Variants in MYO1C observed in about 807,000 individuals in gnomAD.
The protein encoded by MYO1C is myosin IC.
Under a neutral mutation model 150.8 loss-of-function variants are expected in MYO1C, and 104 were observed. The observed-to-expected ratio is 0.69, with a 90% CI of 0.59 to 0.81. MYO1C has a LOEUF of 0.81. MYO1C is among the 30% of genes least tolerant of loss of function. The pLI is 0.00. For synonymous variants in MYO1C, 663 were observed against 579.9 expected (o/e 1.14, Z -2.06); for missense variants, 1,504 against 1,435.0 (o/e 1.05, Z -0.78).
At chr17:1,472,292 G>A in intron 17 of MYO1C, 64 bp from the exon 18 acceptor site, 3 of 1,415,338 alleles carry the variant, frequency 2.1e-6, no homozygotes, top group African/African-American at 1.4e-5. Flanking sequence ...CCCCAGCAGC[G>A]AGTACCCCAC....
intron 17 of MYO1C, among the ~76,000 whole-genome samples, chr17:1,472,870 C>T (rs2074332403): frequency 6.6e-6 from 1 of 151,836 alleles, no homozygotes; most frequent in African/African-American, 2.4e-5. Context: ...CCGGCAAGAT[C>T]CAGTGGCTGG....
rs886721103 is a variant in MYO1C at position 1,469,306 on chromosome 17, G to C, written c.2610+225C>G. ...TAGACTGGGGTAAATACGGTAGGTGGGGTAAATACAGTAGACCGAGATAAA... is the reference window on the plus strand; with the variant it reads ...TAGACTGGGGTAAATACGGTAGGTGCGGTAAATACAGTAGACCGAGATAAA... On this transcript the variant is annotated intron_variant, in intron 25 of 31. Coordinates refer to ENST00000648651, the MANE Select transcript of MYO1C (RefSeq NM_001080779.2). The C allele has an allele frequency of 1.4e-5, 8 of 582,588 alleles. No individual in the cohort carries two copies. In the African/African-American group the frequency reaches 1.5e-4, roughly 11 times the overall value. The allele number at this position is 582,588 out of a possible 1,614,324, so 36.1% of individuals were successfully genotyped here.
intron 13 of MYO1C, 32 bp from the exon 14 acceptor site, chr17:1,477,628 T>C: frequency 6.5e-7 from 1 of 1,542,698 alleles, no homozygotes; most frequent in Non-Finnish European, 9.0e-7. Flanking sequence ...GAAGGACGTA[T>C]GGGGGACAGG....
chr17:1,484,015 C>T (rs1453614021), intron 2 of MYO1C, 133 bp downstream of exon 2: 4 of 1,197,246 alleles, frequency 3.3e-6, no homozygotes, highest in Non-Finnish European at 4.7e-6. Flanking sequence ...GCACTCCAGC[C>T]TGGGCAACAA....
At chr17:1,491,054 G>T (rs2074723833) in intron 1 of MYO1C, 1 of 152,304 alleles carries the variant, frequency 6.6e-6, no homozygotes, top group Non-Finnish European at 1.5e-5. Context: ...CCCAGGAGAC[G>T]GCTCCCACTC....
rs1300964943 is a variant in MYO1C at position 1,474,616 on chromosome 17, T to G, written c.1791A>C (p.Pro597=). The G allele has an allele frequency of 1.9e-6, 3 of 1,613,708 alleles. No homozygotes were observed. The highest frequency in any genetic ancestry group is 2.5e-6 in the Non-Finnish European group (3 of 1,179,908). ...GGTCCCGCCACCTCCTCACCGTCTCTGGCCGCTTCTTGTCACTGAGCTCGC... is the reference window on the plus strand; with the variant it reads ...GGTCCCGCCACCTCCTCACCGTCTCGGGCCGCTTCTTGTCACTGAGCTCGC... ...DRSELSDKKR[P]ETVATQFKMS... Residue 597 remains proline, a synonymous_variant, in exon 17 of 32, where the codon CCA becomes CCC. Transcript: ENST00000648651.
rs1484732291 is a variant in MYO1C at position 1,484,287 on chromosome 17, C to G, written c.92G>C (p.Gly31Ala). Residue 31 changes from glycine to alanine, a missense_variant, in exon 2 of 32, where the codon GGG becomes GCG. Physicochemically the swap from Gly to Ala is moderately conservative, Grantham distance 60. Coordinates refer to ENST00000648651, the MANE Select transcript of MYO1C (RefSeq NM_001080779.2). ...CGCACTCTCCATGGTCACCCGAACCCCGTCACTGCCCAGGGCCTGCAGAGA... is the reference window on the plus strand; with the variant it reads ...CGCACTCTCCATGGTCACCCGAACCGCGTCACTGCCCAGGGCCTGCAGAGA... ...RPCKLALGSD[G>A]VRVTMESALT... 1 of 1,610,786 alleles carries G rather than the reference C, an allele frequency of 6.2e-7. No homozygotes were observed. The highest frequency in any genetic ancestry group is 1.1e-5 in the South Asian group (1 of 91,088).
intron 14 of MYO1C, among the ~76,000 whole-genome samples, chr17:1,477,002 C>T (rs939049972): frequency 1.3e-5 from 2 of 151,886 alleles, no homozygotes; most frequent in South Asian, 2.1e-4. Context: ...CCACACCCAG[C>T]GAATTTTTGC....
chr17:1,471,819 G>T, intron 19 of MYO1C, 88 bp downstream of exon 19: 2 of 1,397,108 alleles, frequency 1.4e-6, no homozygotes, highest in Non-Finnish European at 2.0e-6. Context: ...CTAAAATGGG[G>T]CCGAGAACCC....
At position 1,477,361 on chromosome 17, in the gene MYO1C, A is replaced by C; in HGVS notation, c.1574+144T>G. 5 of 732,554 alleles carry C rather than the reference A, an allele frequency of 6.8e-6. No homozygotes were observed. In the South Asian group the frequency reaches 7.6e-5, roughly 11 times the overall value. The allele number at this position is 732,554 out of a possible 1,614,324, so 45.4% of individuals were successfully genotyped here. Reference sequence around the variant, plus strand: ...CCTGGCTAAGCTTCTTAGTTTCTGGACACATGTGAGGGGTCCTTAACTCAG... The same window carrying C: ...CCTGGCTAAGCTTCTTAGTTTCTGGCCACATGTGAGGGGTCCTTAACTCAG... On this transcript the variant is annotated intron_variant, in intron 14 of 31. Transcript: ENST00000648651.
chr17:1,485,901 T>C (rs1598348261), intron 1 of MYO1C: 1 of 167,248 alleles, frequency 6.0e-6, no homozygotes, highest in African/African-American at 2.4e-5. Flanking sequence ...CCAGGTGGGG[T>C]TGGTGGAGGT....
intron 31 of MYO1C, among the ~76,000 whole-genome samples, 195 bp from the exon 32 acceptor site, chr17:1,465,947 G>A (rs947640081): frequency 2.0e-5 from 3 of 151,424 alleles, no homozygotes; most frequent in African/African-American, 7.3e-5. Flanking sequence ...GATTACAGGC[G>A]TGAGCCGCCG....
At chr17:1,485,822 C>A (rs2074644702) in intron 1 of MYO1C, 2 of 438,476 alleles carry the variant, frequency 4.6e-6, no homozygotes, top group Admixed American at 7.5e-5. Context: ...ACCGCCCCCA[C>A]CCGGGCCCCT....
chr17:1,483,733 CG>C lies in MYO1C; in HGVS notation c.232-9del. 6.3e-7 allele frequency: 1 copy of C among 1,599,436 alleles called. No homozygotes were observed. The highest frequency in any genetic ancestry group is 8.5e-7 in the Non-Finnish European group (1 of 1,171,866). On this transcript the variant is annotated splice_polypyrimidine_tract_variant and intron_variant, in intron 2 of 31. Transcript: ENST00000648651. ...GACGGGGCCAATGTAGGTCTGGGAT[CG>C]GGGGAAGAGGGTCCAAAGTTTATCC...
chr17:1,468,351 G>C, intron 26 of MYO1C, 43 bp from the exon 27 acceptor site: 4 of 1,613,856 alleles, frequency 2.5e-6, no homozygotes, highest in South Asian at 1.1e-5. Flanking sequence ...GGAGGCAATG[G>C]GGGACCAGGA....
chr17:1,471,084 C>T lies in MYO1C; in HGVS notation c.2199G>A (p.Arg733=), dbSNP rs777196608. Residue 733 remains arginine, a synonymous_variant, in exon 21 of 32, where the codon CGG becomes CGA. Coordinates refer to ENST00000648651, the MANE Select transcript of MYO1C (RefSeq NM_001080779.2). ...CCTCTCTCTCACCCAGGCTCTGCCGCCGGACCTCCAGGGCATCCTCTGTGG... is the reference window on the plus strand; with the variant it reads ...CCTCTCTCTCACCCAGGCTCTGCCGTCGGACCTCCAGGGCATCCTCTGTGG... ...LFATEDALEV[R]RQSLATKIQA... is the part of the protein sequence containing the mutation. 7 of 1,614,058 alleles carry T rather than the reference C, an allele frequency of 4.3e-6. No individual in the cohort carries two copies. Among genetic ancestry groups the T allele is most frequent in the South Asian group, 2.2e-5 (2 of 91,080 alleles).
chr17:1,482,537 G>C lies in MYO1C; in HGVS notation c.568C>G (p.Leu190Val). 3 of 1,614,032 alleles carry C rather than the reference G, an allele frequency of 1.9e-6. No homozygotes were observed. Among genetic ancestry groups the C allele is most frequent in the Non-Finnish European group, 2.5e-6 (3 of 1,179,960 alleles). Reference protein sequence around the residue: ...VLEAFGNAKTLRNDNSSRFGK... With the variant: ...VLEAFGNAKTVRNDNSSRFGK... ...AACCTGCTGGAGTTATCGTTCCGGA[G>C]GGTCTTGGCATTTCCAAAGGCCTAG... The change falls in exon 5 of 32, where the codon CTC becomes GTC. Residue 190 changes from leucine to valine, a missense_variant. By Grantham distance (32) the Leu-to-Val change is conservative. Transcript: ENST00000648651.
intron 17 of MYO1C, 64 bp downstream of exon 17, chr17:1,474,546 C>T: frequency 1.9e-6 from 3 of 1,548,568 alleles, no homozygotes; most frequent in South Asian, 2.2e-5. Flanking sequence ...CTCCCAGGCT[C>T]ACACAGGCCC....
At chr17:1,485,256 A>C (rs2074627864) in intron 1 of MYO1C, 3 of 1,160,172 alleles carry the variant, frequency 2.6e-6, no homozygotes, top group East Asian at 7.2e-5. Context: ...AAAAATGGAC[A>C]CCCAGAGTAT....
Sources: allele counts gnomAD v4.1 joint callset (sites outside exome capture counted in the v4.1 genomes callset), GRCh38; gene constraint gnomAD v4.1.1; transcripts MANE v1.5; gene names NCBI Gene and HGNC (gene_info 2026-07-23, HGNC 2026-07-21).